Variants in RARB observed in about 807,000 individuals in gnomAD.
RARB encodes retinoic acid receptor beta.
In RARB, 17 loss-of-function variants were observed where a neutral mutation model predicts 51.9. That is an observed-to-expected ratio of 0.33 (90% confidence interval 0.22 to 0.49). RARB has a LOEUF of 0.49. RARB is among the 20% of genes least tolerant of loss of function. The pLI is 0.99. For missense variants in RARB, 369 were observed against 550.8 expected, an observed-to-expected ratio of 0.67 and a Z score of 3.30; for synonymous variants, 215 against 195.4, an observed-to-expected ratio of 1.10 and a Z score of -0.84.
chr3:25,179,159 G>A (rs1002570994), intron 5 of RARB, among the ~76,000 whole-genome samples: 8 of 152,128 alleles, frequency 5.3e-5, no homozygotes. Flanking sequence ...TACCAATGAT[G>A]GAACATAAAA....
At chr3:25,422,129 A>G (rs529408652) in intron 5 of RARB, among the ~76,000 whole-genome samples, 1 of 152,230 alleles carries the variant, frequency 6.6e-6, no homozygotes, top group Non-Finnish European at 1.5e-5. Flanking sequence ...AAAGCCGACT[A>G]ACAGTTTCTG....
intron 2 of RARB, among the ~76,000 whole-genome samples, chr3:25,034,975 G>A (rs1190488275): frequency 3.3e-5 from 5 of 152,170 alleles, no homozygotes; most frequent in Admixed American, 2.6e-4. Context: ...CCATTGACAC[G>A]AAGGCTGCAC....
At chr3:25,358,865 G>T (rs909746541) in intron 5 of RARB, among the ~76,000 whole-genome samples, 5 of 152,034 alleles carry the variant, frequency 3.3e-5, no homozygotes, top group Non-Finnish European at 7.4e-5. Context: ...TTAATGTGCT[G>T]CTGGATTCAG....
At chr3:25,318,242 T>TA (rs1704478107) in intron 5 of RARB, among the ~76,000 whole-genome samples, 2 of 152,328 alleles carry the variant, frequency 1.3e-5, no homozygotes, top group South Asian at 4.1e-4. Flanking sequence ...GCCATCACGA[T>TA]AGCTAGTGCA....
intron 5 of RARB, among the ~76,000 whole-genome samples, chr3:25,582,805 T>C (rs1701232170): frequency 6.6e-6 from 1 of 152,202 alleles, no homozygotes; most frequent in African/African-American, 2.4e-5. Context: ...TTTGTGACCT[T>C]GGTGAAGTTA....
intron 2 of RARB, among the ~76,000 whole-genome samples, chr3:25,055,926 G>A (rs1259640227): frequency 6.6e-6 from 1 of 152,096 alleles, no homozygotes; most frequent in African/African-American, 2.4e-5. Context: ...GGACATGTGG[G>A]CAGTGCTCTG....
rs541407112 is a variant in RARB at position 24,982,699 on chromosome 3, C to T, written c.-379-77426C>T. Among the ~76,000 whole-genome samples, 5 of 152,360 alleles carry T rather than the reference C, an allele frequency of 3.3e-5. 1 individual carries two copies. The South Asian group carries it at 1.0e-3, about 32-fold the overall frequency. On this transcript the variant is annotated intron_variant, in intron 2 of 11. Coordinates refer to the RARB transcript ENST00000383772. ...TGACTGTTTTTGTTTAACTCTCCCTCTGCCTAGCTCCAACTTCTCCTCTGT... is the reference window on the plus strand; with the variant it reads ...TGACTGTTTTTGTTTAACTCTCCCTTTGCCTAGCTCCAACTTCTCCTCTGT...
At chr3:25,121,223 T>G (rs1044186852) in intron 3 of RARB, among the ~76,000 whole-genome samples, 1 of 151,996 alleles carries the variant, frequency 6.6e-6, no homozygotes, top group East Asian at 1.9e-4. Flanking sequence ...AAAGGGAGAA[T>G]TTTCAGGCAT....
At chr3:25,154,412 G>A (rs1700342316) in intron 4 of RARB, among the ~76,000 whole-genome samples, 1 of 152,084 alleles carries the variant, frequency 6.6e-6, no homozygotes, top group African/African-American at 2.4e-5. Context: ...TATTCTATCT[G>A]TGCTACCCTC....
chr3:25,327,521 C>T (rs1394600194), intron 5 of RARB, among the ~76,000 whole-genome samples: 1 of 152,086 alleles, frequency 6.6e-6, no homozygotes, highest in Non-Finnish European at 1.5e-5. Context: ...AATTCTATAC[C>T]TGCCAAAACT....
intron 3 of RARB, among the ~76,000 whole-genome samples, chr3:25,508,026 G>A (rs1181686505): frequency 6.6e-6 from 1 of 152,188 alleles, no homozygotes; most frequent in African/African-American, 2.4e-5. Flanking sequence ...TGCTCTTTGA[G>A]GTTATGTTTA....
chr3:25,329,657 A>C (rs1458236704), intron 5 of RARB, among the ~76,000 whole-genome samples: 2 of 152,222 alleles, frequency 1.3e-5, no homozygotes, highest in Admixed American at 6.5e-5. Flanking sequence ...CTGGATGGAG[A>C]ATGACTTTGA....
intron 3 of RARB, among the ~76,000 whole-genome samples, chr3:25,106,797 G>C (rs1283742277): frequency 6.6e-6 from 1 of 151,984 alleles, no homozygotes; most frequent in Non-Finnish European, 1.5e-5. Flanking sequence ...CTATTGAAAA[G>C]AACAATTATA....
chr3:24,980,290 G>C (rs878917976), intron 2 of RARB, among the ~76,000 whole-genome samples: 1 of 152,096 alleles, frequency 6.6e-6, no homozygotes, highest in Non-Finnish European at 1.5e-5. Context: ...GGTGTTCTCT[G>C]TATTTCCTGA....
At chr3:24,933,691 T>A (rs993394568) in intron 2 of RARB, among the ~76,000 whole-genome samples, 1 of 152,138 alleles carries the variant, frequency 6.6e-6, no homozygotes, top group African/African-American at 2.4e-5. Context: ...ACCTTATTCT[T>A]CATAAAATGG....
At chr3:24,901,581 A>G (rs1291639298) in intron 2 of RARB, among the ~76,000 whole-genome samples, 5 of 152,214 alleles carry the variant, frequency 3.3e-5, no homozygotes, top group African/African-American at 1.2e-4. Context: ...TATCATTATC[A>G]AAGCCTTTGG....
Position 25,250,982 on chromosome 3 carries a change from C to T in RARB, c.178+76407C>T, listed in dbSNP as rs114821160. ...AGTTGATCCCAGCAGAGCATGTTAC[C>T]TTGCTTTTCTCCCTTTCATTGCCTT... On this transcript the variant is annotated intron_variant, in intron 5 of 11. Transcript: ENST00000383772. 3.6e-3 allele frequency among the ~76,000 whole-genome samples: 545 copies of T among 152,218 alleles called. 6 individuals carry two copies. Among genetic ancestry groups the T allele is most frequent in the African/African-American group, 0.013 (527 of 41,538 alleles).
chr3:25,210,274 A>T (rs916601275), intron 5 of RARB, among the ~76,000 whole-genome samples: 1 of 152,134 alleles, frequency 6.6e-6, no homozygotes, highest in African/African-American at 2.4e-5. Flanking sequence ...TCCTGTCCCA[A>T]TACACCCTGT....
chr3:25,140,453 G>A (rs1391298786), intron 4 of RARB, among the ~76,000 whole-genome samples: 1 of 152,192 alleles, frequency 6.6e-6, no homozygotes, highest in African/African-American at 2.4e-5. Context: ...GCAAGAATCA[G>A]AAGTGGAGCC....
Sources: allele counts gnomAD v4.1 joint callset (sites outside exome capture counted in the v4.1 genomes callset), GRCh38; gene constraint gnomAD v4.1.1; transcripts MANE v1.5; gene names NCBI Gene and HGNC (gene_info 2026-07-23, HGNC 2026-07-21).